The following CTDP1 variants were observed in gnomAD, a reference collection of about 807,000 sequenced individuals.
CTDP1 encodes RNA polymerase II subunit A C-terminal domain phosphatase.
In CTDP1, 47 loss-of-function variants were observed where a neutral mutation model predicts 91.8. That is an observed-to-expected ratio of 0.51 (90% CI 0.41 to 0.65). The LOEUF is 0.65. CTDP1 is among the 30% of genes least tolerant of loss of function. CTDP1 has a pLI of 0.00. For synonymous variants in CTDP1, 656 were observed against 598.5 expected (o/e 1.10, Z -1.40); for missense variants, 1,272 against 1,373.7 (o/e 0.93, Z 1.17).
At chr18:79,732,235 A>G (rs1599291286) in intron 11 of CTDP1, among the ~76,000 whole-genome samples, 1 of 149,948 alleles carries the variant, frequency 6.7e-6, no homozygotes, top group African/African-American at 2.5e-5. Context: ...AGACTTGAGA[A>G]CTCACTAACA....
Position 79,729,036 on chromosome 18 carries a change from T to A in CTDP1, c.2547T>A (p.Leu849=). 1.2e-6 allele frequency: 2 copies of A among 1,613,830 alleles called. No homozygotes were observed. The highest frequency in any genetic ancestry group is 1.7e-6 in the Non-Finnish European group (2 of 1,180,022). ...SMSETMPLYT[L]CKEDLESMDK... is the part of the protein sequence containing the mutation. ...CTGAGACAATGCCGCTGTACACTCT[T>A]TGTAAGGAGGATTTAGAGAGTATGG... Residue 849 remains leucine, a synonymous_variant, in exon 11 of 13, where the codon CTT becomes CTA. Transcript: ENST00000613122.
chr18:79,736,251 C>G, intron 11 of CTDP1, 104 bp from the exon 12 acceptor site: 1 of 1,445,342 alleles, frequency 6.9e-7, no homozygotes, highest in Non-Finnish European at 9.5e-7. Context: ...CCTCCAGCCC[C>G]CACCCTGCTG....
intron 10 of CTDP1, among the ~76,000 whole-genome samples, chr18:79,719,849 G>A (rs553416326): frequency 8.9e-5 from 13 of 145,822 alleles, no homozygotes; most frequent in Non-Finnish European, 1.2e-4. Flanking sequence ...TTAGGAAGGC[G>A]TCCTGGTGAT....
At chr18:79,746,780 C>A (rs1018254190) in intron 12 of CTDP1, among the ~76,000 whole-genome samples, 5 of 152,260 alleles carry the variant, frequency 3.3e-5, no homozygotes, top group Admixed American at 2.0e-4. Flanking sequence ...CCATGCCTGG[C>A]TAATGTTTTT....
In CTDP1 at chr18:79,713,544, G is replaced by T. The variant is rs1006165120; in HGVS notation, c.1030+406G>T. On this transcript the variant is annotated intron_variant, in intron 7 of 12. Transcript: ENST00000613122. This position sits in a 1 kb window ranked among gnomAD's most constrained non-coding sequence, Gnocchi z 4.7. ...CCCATGCGCAGTGGTCAGGCTGGGC[G>T]CTGGCTGGGGCCCCAGAGAGCAGCG... is the stretch of plus-strand genomic sequence containing the variant. Among the ~76,000 whole-genome samples, 1 of 152,264 alleles carries T rather than the reference G, an allele frequency of 6.6e-6. No individual in the cohort carries two copies. Among genetic ancestry groups the T allele is most frequent in the Non-Finnish European group, 1.5e-5 (1 of 68,048 alleles).
intron 8 of CTDP1, among the ~76,000 whole-genome samples, chr18:79,716,592 C>A (rs1450424671): frequency 6.6e-6 from 1 of 152,040 alleles, no homozygotes; most frequent in Non-Finnish European, 1.5e-5. Context: ...CTCCTTGGCC[C>A]CTCAGGTGCC....
chr18:79,720,178 C>A (rs960125356), intron 10 of CTDP1, among the ~76,000 whole-genome samples: 39 of 146,368 alleles, frequency 2.7e-4, no homozygotes, highest in African/African-American at 9.2e-4. Context: ...CTGTTGTGTC[C>A]TGGTGACGAT....
chr18:79,702,020 G>T (rs781767484), intron 4 of CTDP1, among the ~76,000 whole-genome samples: 1 of 152,216 alleles, frequency 6.6e-6, no homozygotes, highest in Non-Finnish European at 1.5e-5. Flanking sequence ...TTGTTGAAAT[G>T]ACCAAAAAGG....
Position 79,715,344 on chromosome 18 carries a change from G to A in CTDP1, c.1884G>A (p.Glu628=). ...EAPDIRKIVP[E]LKSKVLADVA... is the part of the protein sequence containing the mutation. ...CGGACATCCGCAAGATCGTGCCGGA[G>A]CTCAAGAGCAAGGTGCTGGCAGACG... The change falls in exon 8 of 13, where the codon GAG becomes GAA. Residue 628 remains glutamate (E), a synonymous_variant. Coordinates refer to ENST00000613122, the MANE Select transcript of CTDP1 (RefSeq NM_004715.5). 1 of 1,608,814 alleles carries A rather than the reference G, an allele frequency of 6.2e-7. No homozygotes were observed. Among genetic ancestry groups the A allele is most frequent in the Non-Finnish European group, 8.5e-7 (1 of 1,177,552 alleles).
At chr18:79,681,620 C>T in intron 1 of CTDP1, 1 of 344,356 alleles carries the variant, frequency 2.9e-6, no homozygotes, top group Non-Finnish European at 4.1e-6. Context: ...CCAGCCAGGT[C>T]ATGAGCTTGA....
At chr18:79,685,911 C>T (rs1333934476) in intron 1 of CTDP1, among the ~76,000 whole-genome samples, 1 of 152,110 alleles carries the variant, frequency 6.6e-6, no homozygotes, top group Non-Finnish European at 1.5e-5. Flanking sequence ...TTATTCTTCC[C>T]TGTTGACGCC....
intron 8 of CTDP1, among the ~76,000 whole-genome samples, chr18:79,717,023 G>A (rs1043801786): frequency 3.3e-5 from 5 of 150,824 alleles, no homozygotes; most frequent in African/African-American, 7.3e-5. Context: ...GAGCCCTAGT[G>A]GGGTACAGCT....
intron 11 of CTDP1, chr18:79,735,991 G>A: frequency 7.6e-6 from 2 of 264,466 alleles, no homozygotes; most frequent in Non-Finnish European, 1.5e-5. Flanking sequence ...CTGCCACTCA[G>A]GAGTCTTGCT....
rs184741984 is a variant in CTDP1 at position 79,704,714 on chromosome 18, C to T, written c.622-53C>T. On this transcript the variant is annotated intron_variant, in intron 4 of 12. Coordinates refer to ENST00000613122, the MANE Select transcript of CTDP1 (RefSeq NM_004715.5). ...GTCTCGGGCACACAGGTTGCGGGGG[C>T]GGCCGGGGCTCCTCAGGCCTTTTCT... 4.1e-4 allele frequency: 658 copies of T among 1,607,268 alleles called. 2 individuals carry two copies. The African/African-American group carries it at 7.2e-3, about 17-fold the overall frequency.
At chr18:79,695,804 A>T (rs1314839758) in intron 2 of CTDP1, among the ~76,000 whole-genome samples, 173 bp from the exon 3 acceptor site, 1 of 152,188 alleles carries the variant, frequency 6.6e-6, no homozygotes, top group African/African-American at 2.4e-5. Context: ...TGTTTCCACC[A>T]GTTTTCCTGT....
In CTDP1 at chr18:79,713,819, C is replaced by T. The variant is rs142329841; in HGVS notation, c.1031-672C>T. ...TCCTCCAGACCGTGGCTTGGGAAACCGTGGCCATGGTGGTGCCAGGTCATC... is the reference window on the plus strand; with the variant it reads ...TCCTCCAGACCGTGGCTTGGGAAACTGTGGCCATGGTGGTGCCAGGTCATC... On this transcript the variant is annotated intron_variant, in intron 7 of 12. Coordinates refer to ENST00000613122, the MANE Select transcript of CTDP1 (RefSeq NM_004715.5). This position sits in a 1 kb window ranked among gnomAD's most constrained non-coding sequence, Gnocchi z 4.7. Among the ~76,000 whole-genome samples, 225 of 151,956 alleles carry T rather than the reference C, an allele frequency of 1.5e-3. No homozygotes were observed. The highest frequency in any genetic ancestry group is 5.3e-3 in the African/African-American group (220 of 41,444).
upstream of CTDP1, chr18:79,677,504 T>C: frequency 6.6e-6 from 1 of 152,416 alleles, no homozygotes; most frequent in Non-Finnish European, 1.5e-5. Flanking sequence ...TGCTGCTGCC[T>C]GTGACTGATT....
chr18:79,725,648 G>A (rs1157939604), intron 10 of CTDP1, among the ~76,000 whole-genome samples: 2 of 151,832 alleles, frequency 1.3e-5, no homozygotes, highest in Non-Finnish European at 2.9e-5. Flanking sequence ...CGGAGTCTCC[G>A]GTGCTTGCCC....
At position 79,680,123 on chromosome 18, in the gene CTDP1, A is replaced by G. The variant is rs1485828959; in HGVS notation, c.176A>G (p.Gln59Arg). The G allele has an allele frequency of 5.6e-6, 8 of 1,425,398 alleles. No individual in the cohort carries two copies. Among genetic ancestry groups the G allele is most frequent in the Non-Finnish European group, 7.3e-6 (8 of 1,090,782 alleles). 88.3% of individuals were successfully genotyped at this position (1,425,398 alleles called of 1,614,324 possible). A position where few individuals can be genotyped will look rare whatever the true frequency, so the allele number is the denominator to read the frequency against. The change falls in exon 1 of 13, where the codon CAG becomes CGG. Residue 59 changes from glutamine (Q) to arginine (R), a missense_variant. By Grantham distance (43) the Gln-to-Arg change is conservative. This residue lies in a region of CTDP1 where 214 missense variants were observed against 179.1 expected (regional missense o/e 1.19). Coordinates refer to ENST00000613122, the MANE Select transcript of CTDP1 (RefSeq NM_004715.5). ...LAVFEAAASA[Q>R]SSGASQSRVA... ...GTGTTCGAGGCCGCCGCCTCCGCGC[A>G]GTCCTCCGGGGCCTCTCAGTCCCGT...
Sources: allele counts gnomAD v4.1 joint callset (sites outside exome capture counted in the v4.1 genomes callset), GRCh38; gene constraint gnomAD v4.1.1; regional missense constraint gnomAD v4.1.1; non-coding constraint Gnocchi (gnomAD v3.1); transcripts MANE v1.5; gene names NCBI Gene and HGNC (gene_info 2026-07-23, HGNC 2026-07-21).